Variants in SPAG16 observed in about 807,000 individuals in gnomAD.
The protein encoded by SPAG16 is sperm-associated antigen 16 protein.
A neutral mutation model predicts 80.4 loss-of-function variants in SPAG16; 86 were observed. The ratio of observed to expected loss-of-function variants is 1.07; its 90% CI spans 0.90 to 1.28. The LOEUF is 1.28. SPAG16 is among the 50% of genes most tolerant of loss of function. The pLI, the probability that SPAG16 is intolerant of heterozygous loss-of-function variation, is 0.00. For missense variants in SPAG16, 870 were observed against 765.3 expected (o/e 1.14, Z -1.61); for synonymous variants, 294 against 265.9 (o/e 1.11, Z -1.03).
intron 15 of SPAG16, among the ~76,000 whole-genome samples, chr2:214,233,033 T>C (rs1156802942): frequency 1.3e-5 from 2 of 152,092 alleles, no homozygotes; most frequent in Non-Finnish European, 2.9e-5. Context: ...ATACATATCC[T>C]ATGATTCTTT....
intron 15 of SPAG16, among the ~76,000 whole-genome samples, chr2:214,283,880 A>G (rs1329175656): frequency 6.6e-6 from 1 of 152,232 alleles, no homozygotes; most frequent in Non-Finnish European, 1.5e-5. Context: ...GAAAAAACAC[A>G]AGAAATTGAC....
chr2:214,383,570 C>CAAAAA (rs374925663), intron 15 of SPAG16, among the ~76,000 whole-genome samples: 1 of 59,466 alleles, frequency 1.7e-5, no homozygotes. Context: ...GACTTCATCT[C>CAAAAA]AAAAAAAAAG....
chr2:213,857,122 C>T (rs1048752189), intron 10 of SPAG16, among the ~76,000 whole-genome samples: 27 of 152,212 alleles, frequency 1.8e-4, no homozygotes, highest in African/African-American at 6.0e-4. Context: ...CCCAGCTACT[C>T]AGGAGGCTGA....
intron 13 of SPAG16, among the ~76,000 whole-genome samples, chr2:214,089,347 T>C (rs2125304681): frequency 6.6e-6 from 1 of 152,272 alleles, no homozygotes; most frequent in Admixed American, 6.5e-5. Context: ...ACCAAAAGCC[T>C]TAGAAATTCA....
intron 10 of SPAG16, among the ~76,000 whole-genome samples, chr2:213,734,884 G>A (rs550066231): frequency 1.0e-3 from 159 of 152,180 alleles, no homozygotes; most frequent in Admixed American, 2.6e-3. Flanking sequence ...TTCATATGAT[G>A]TGACAATTGT....
At position 213,593,813 on chromosome 2, in the gene SPAG16, C is replaced by T. The variant is rs1430905275; in HGVS notation, c.1070+103723C>T. On this transcript the variant is annotated intron_variant, in intron 10 of 15. Coordinates refer to ENST00000331683, the MANE Select transcript of SPAG16 (RefSeq NM_024532.5). The stretch of plus-strand genomic sequence containing the variant: ...TTTTTGGGACGGAGTCTGGCTCTGT[C>T]GCCCAGGCTGGAGTGCAGTGTAGAG... Among the ~76,000 whole-genome samples, 15 of 114,984 alleles carry T rather than the reference C, an allele frequency of 1.3e-4. 1 individual carries two copies. In the Admixed American group the frequency reaches 1.7e-3, roughly 13 times the overall value. The allele number at this position is 114,984 out of a possible 152,430, so 75.4% of individuals were successfully genotyped here.
At chr2:213,552,044 A>G (rs920062670) in intron 10 of SPAG16, among the ~76,000 whole-genome samples, 3 of 152,078 alleles carry the variant, frequency 2.0e-5, no homozygotes, top group African/African-American at 7.2e-5. Flanking sequence ...TTTGGTCTTC[A>G]TATCAGTTGT....
At chr2:213,857,217 G>C (rs981559799) in intron 10 of SPAG16, among the ~76,000 whole-genome samples, 1 of 152,164 alleles carries the variant, frequency 6.6e-6, no homozygotes, top group Non-Finnish European at 1.5e-5. Context: ...GTGACAGAGA[G>C]AGACTGCATC....
chr2:213,962,103 AG>A (rs1030831252), intron 12 of SPAG16, among the ~76,000 whole-genome samples: 20 of 152,188 alleles, frequency 1.3e-4, no homozygotes, highest in African/African-American at 4.1e-4. Context: ...CTAAGCCCCA[AG>A]TAATTCTATT....
chr2:213,931,672 C>T (rs759015695), intron 12 of SPAG16, among the ~76,000 whole-genome samples: 1 of 152,162 alleles, frequency 6.6e-6, no homozygotes, highest in Admixed American at 6.5e-5. Context: ...ATTTCAAACA[C>T]TTTGACTTGA....
At chr2:213,344,887 T>C (rs2124997704) in intron 6 of SPAG16, among the ~76,000 whole-genome samples, 1 of 152,330 alleles carries the variant, frequency 6.6e-6, no homozygotes, top group South Asian at 2.1e-4. Flanking sequence ...ATCCTTTGGG[T>C]ATATACCCAG....
intron 9 of SPAG16, among the ~76,000 whole-genome samples, chr2:213,452,281 A>T (rs2071745124): frequency 6.6e-6 from 1 of 152,072 alleles, no homozygotes; most frequent in African/African-American, 2.4e-5. Context: ...TAACTACCTA[A>T]ATGATTTCTT....
At chr2:213,338,901 A>G (rs1270076364) in intron 5 of SPAG16, among the ~76,000 whole-genome samples, 1 of 152,096 alleles carries the variant, frequency 6.6e-6, no homozygotes, top group Non-Finnish European at 1.5e-5. Context: ...GAGCATTAGG[A>G]AAAATAGCGA....
chr2:214,046,712 TA>T (rs1294272923), intron 13 of SPAG16, among the ~76,000 whole-genome samples: 40 of 152,042 alleles, frequency 2.6e-4, no homozygotes, highest in African/African-American at 8.9e-4. Flanking sequence ...GAGAACGAAA[TA>T]AAAAATATCC....
chr2:214,026,968 C>A (rs916009409), intron 13 of SPAG16, among the ~76,000 whole-genome samples: 1 of 151,542 alleles, frequency 6.6e-6, no homozygotes, highest in Non-Finnish European at 1.5e-5. Flanking sequence ...CTATCTAAAT[C>A]TTGTATATCT....
intron 13 of SPAG16, among the ~76,000 whole-genome samples, chr2:214,074,962 A>G (rs971533214): frequency 2.0e-5 from 3 of 152,126 alleles, no homozygotes; most frequent in Admixed American, 6.6e-5. Flanking sequence ...ACCTACAACA[A>G]CTTTAAATTT....
intron 15 of SPAG16, among the ~76,000 whole-genome samples, chr2:214,298,021 T>A (rs1048390080): frequency 6.6e-6 from 1 of 150,820 alleles, no homozygotes; most frequent in Non-Finnish European, 1.5e-5. Context: ...CTTTAATCAG[T>A]ATTTTATAGT....
intron 11 of SPAG16, among the ~76,000 whole-genome samples, chr2:213,911,487 GA>G (rs2077663130): frequency 6.6e-6 from 1 of 152,130 alleles, no homozygotes; most frequent in Non-Finnish European, 1.5e-5. Flanking sequence ...TGTAAAGTCT[GA>G]AAAATGCCAA....
chr2:214,146,918 C>G (rs900208729), intron 14 of SPAG16, among the ~76,000 whole-genome samples: 1 of 151,432 alleles, frequency 6.6e-6, no homozygotes, highest in Non-Finnish European at 1.5e-5. Flanking sequence ...AGGAGAATGG[C>G]GTTAACCCGG....
Sources: gnomAD v4.1 joint callset for allele counts (sites outside exome capture counted in the v4.1 genomes callset) on GRCh38, gnomAD v4.1.1 for gene constraint, MANE v1.5 for transcripts, NCBI Gene and HGNC (gene_info 2026-07-23, HGNC 2026-07-21) for gene names.